MCTP1: variants seen among roughly 807,000 people sequenced by gnomAD.
MCTP1 encodes the protein multiple C2 and transmembrane domain containing 1, also known as multiple C2 and transmembrane domain-containing protein 1.
MCTP1 carries 69 observed loss-of-function variants against 120.6 expected under a neutral mutation model. The ratio of observed to expected loss-of-function variants is 0.57; its 90% confidence interval spans 0.47 to 0.70. MCTP1 has a LOEUF of 0.70. Ranked by LOEUF, MCTP1 falls within the 30% of genes least tolerant of loss-of-function variation. The pLI is 0.00. For synonymous variants in MCTP1, 529 were observed against 493.1 expected (o/e 1.07, Z -0.96); for missense variants, 1,203 against 1,248.8 (o/e 0.96, Z 0.55).
intron 2 of MCTP1, among the ~76,000 whole-genome samples, chr5:94,957,554 G>C (rs1173843931): frequency 6.6e-6 from 1 of 151,758 alleles, no homozygotes; most frequent in Admixed American, 6.6e-5. Flanking sequence ...TCAAAACAAA[G>C]GGATGGAGGA....
At chr5:94,957,966 C>T (rs569024323) in intron 2 of MCTP1, among the ~76,000 whole-genome samples, 58 of 152,198 alleles carry the variant, frequency 3.8e-4, no homozygotes, top group Admixed American at 7.9e-4. Context: ...ATAGAATATA[C>T]ATTCTTCTCA....
chr5:94,888,133 T>C (rs1362150547), intron 12 of MCTP1, among the ~76,000 whole-genome samples: 1 of 152,208 alleles, frequency 6.6e-6, no homozygotes, highest in East Asian at 1.9e-4. Flanking sequence ...AGGAACAGTA[T>C]AAGCATCCCC....
At chr5:95,268,019 T>C (rs1267587159) in intron 1 of MCTP1, among the ~76,000 whole-genome samples, 1 of 152,276 alleles carries the variant, frequency 6.6e-6, no homozygotes, top group Non-Finnish European at 1.5e-5. Flanking sequence ...TAAATGCTTC[T>C]TCAGGGAAAC....
In MCTP1 at chr5:94,821,004, C is replaced by T. The variant is rs143108240; in HGVS notation, c.2437-21872G>A. 2.4e-3 allele frequency among the ~76,000 whole-genome samples: 364 copies of T among 152,258 alleles called. 1 individual carries two copies. The highest frequency in any genetic ancestry group is 3.9e-3 in the Non-Finnish European group (267 of 68,010). On this transcript the variant is annotated intron_variant, in intron 17 of 22. Coordinates refer to ENST00000515393, the MANE Select transcript of MCTP1 (RefSeq NM_024717.7). The stretch of plus-strand genomic sequence containing the variant: ...TCTTTTCCAGATCAGGAAACACTCC[C>T]AGCACTGTCAAATAGCTTGCTCAAG...
intron 1 of MCTP1, among the ~76,000 whole-genome samples, chr5:95,054,762 A>C (rs900501207): frequency 6.6e-6 from 1 of 151,944 alleles, no homozygotes; most frequent in South Asian, 2.1e-4. Flanking sequence ...ACAGACAAAA[A>C]GGGAAAAATA....
At chr5:94,738,167 C>T (rs1764699830) in intron 19 of MCTP1, among the ~76,000 whole-genome samples, 3 of 152,308 alleles carry the variant, frequency 2.0e-5, no homozygotes, top group Middle Eastern at 6.8e-3. Context: ...GGATAACCCT[C>T]ATCTTCTAGT....
chr5:94,731,791 G>A (rs926701900), intron 19 of MCTP1, among the ~76,000 whole-genome samples: 1 of 152,056 alleles, frequency 6.6e-6, no homozygotes, highest in African/African-American at 2.4e-5. Context: ...CAGATAGCTG[G>A]GGAAAACAAT....
chr5:94,708,686 C>T, intron 21 of MCTP1, 77 bp from the exon 22 acceptor site: 1 of 886,558 alleles, frequency 1.1e-6, no homozygotes, highest in Non-Finnish European at 1.9e-6. Context: ...AACTTGTATG[C>T]CTTGACTCAA....
chr5:94,949,892 C>T (rs1169872946), intron 3 of MCTP1, among the ~76,000 whole-genome samples: 1 of 151,902 alleles, frequency 6.6e-6, no homozygotes, highest in Non-Finnish European at 1.5e-5. Flanking sequence ...AACACACAGG[C>T]CTGCATAGAG....
At chr5:94,787,612 GTTTT>G (rs139521996) in intron 18 of MCTP1, among the ~76,000 whole-genome samples, 2 of 144,104 alleles carry the variant, frequency 1.4e-5, no homozygotes, top group South Asian at 2.2e-4. Flanking sequence ...AGCACTTACT[GTTTT>G]TTTTTGTTTT....
intron 17 of MCTP1, among the ~76,000 whole-genome samples, chr5:94,811,959 C>T (rs1783513555): frequency 1.3e-5 from 2 of 152,010 alleles, no homozygotes; most frequent in Admixed American, 1.3e-4. Flanking sequence ...GCTGATTGCC[C>T]ATAAAGCCCT....
intron 1 of MCTP1, among the ~76,000 whole-genome samples, chr5:95,021,734 T>G (rs1235517116): frequency 6.6e-6 from 1 of 152,110 alleles, no homozygotes; most frequent in Non-Finnish European, 1.5e-5. Context: ...TATAATGCCT[T>G]TTTGACTCTT....
At chr5:95,234,824 C>T (rs1366854129) in intron 1 of MCTP1, among the ~76,000 whole-genome samples, 3 of 152,010 alleles carry the variant, frequency 2.0e-5, no homozygotes, top group Non-Finnish European at 2.9e-5. Context: ...TTATAGCTAG[C>T]AAATAAATTG....
At chr5:94,883,052 C>T (rs1002172942) in intron 12 of MCTP1, among the ~76,000 whole-genome samples, 2 of 152,050 alleles carry the variant, frequency 1.3e-5, no homozygotes, top group African/African-American at 4.8e-5. Flanking sequence ...AATGCAATTA[C>T]TAAAGAAAGT....
At chr5:94,956,985 T>C (rs1822803862) in intron 2 of MCTP1, among the ~76,000 whole-genome samples, 1 of 152,032 alleles carries the variant, frequency 6.6e-6, no homozygotes, top group South Asian at 2.1e-4. Context: ...AAGGTTGAAA[T>C]GAAAGATGAA....
At chr5:94,852,610 G>A (rs768038791) in intron 17 of MCTP1, among the ~76,000 whole-genome samples, 3 of 151,898 alleles carry the variant, frequency 2.0e-5, no homozygotes, top group East Asian at 1.9e-4. Flanking sequence ...TTCTGTTGGC[G>A]TAATTTTAAT....
intron 1 of MCTP1, among the ~76,000 whole-genome samples, chr5:95,149,035 A>C (rs369135233): frequency 1.4e-4 from 21 of 152,270 alleles, no homozygotes; most frequent in African/African-American, 4.8e-4. Context: ...GCTCTCACTG[A>C]GCTATGCAGG....
intron 12 of MCTP1, among the ~76,000 whole-genome samples, chr5:94,883,821 A>T (rs1305483739): frequency 6.6e-6 from 1 of 152,194 alleles, no homozygotes; most frequent in African/African-American, 2.4e-5. Flanking sequence ...AGGGCACTTG[A>T]AGTAACAACT....
intron 17 of MCTP1, among the ~76,000 whole-genome samples, chr5:94,808,410 A>G (rs1248775533): frequency 6.6e-6 from 1 of 152,186 alleles, no homozygotes; most frequent in Non-Finnish European, 1.5e-5. Flanking sequence ...ACACGGTAGC[A>G]GGGAATTGAT....
Sources: allele counts gnomAD v4.1 joint callset (sites outside exome capture counted in the v4.1 genomes callset), GRCh38; gene constraint gnomAD v4.1.1; transcripts MANE v1.5; gene names NCBI Gene and HGNC (gene_info 2026-07-23, HGNC 2026-07-21).